The following ARHGEF12 variants were observed in gnomAD, a reference collection of about 807,000 sequenced individuals.
ARHGEF12 encodes the protein KMT2A/ARHGEF12 fusion protein.
In ARHGEF12, 66 loss-of-function variants were observed where a neutral mutation model predicts 211.2. That is an observed-to-expected ratio of 0.31 (90% CI 0.26 to 0.38). ARHGEF12 has a LOEUF of 0.38. ARHGEF12 is among the 10% of genes least tolerant of loss of function. The pLI is 1.00. For synonymous variants in ARHGEF12, 592 were observed against 638.4 expected (o/e 0.93, Z 1.09); for missense variants, 1,429 against 1,869.5 (o/e 0.76, Z 4.34).
intron 39 of ARHGEF12, among the ~76,000 whole-genome samples, chr11:120,483,321 C>T (rs1303001292): frequency 5.5e-5 from 7 of 126,914 alleles, no homozygotes; most frequent in Non-Finnish European, 7.8e-5. Context: ...AGTGCAGTGG[C>T]GCTATTTCGG....
intron 17 of ARHGEF12, 120 bp from the exon 18 acceptor site, chr11:120,446,828 T>A: frequency 1.6e-6 from 2 of 1,261,442 alleles, no homozygotes; most frequent in Non-Finnish European, 2.2e-6. Context: ...GACCCATAAG[T>A]GGAAAAGTGA....
At chr11:120,425,353 T>G (rs79032875) in intron 7 of ARHGEF12, among the ~76,000 whole-genome samples, 2,525 of 149,324 alleles carry the variant, frequency 0.017, 78 homozygotes, top group African/African-American at 0.057. Flanking sequence ...TTTTTTTTTT[T>G]TTGTTTGTTT....
At chr11:120,445,998 G>A (rs920208194) in intron 16 of ARHGEF12, among the ~76,000 whole-genome samples, 7 of 151,908 alleles carry the variant, frequency 4.6e-5, no homozygotes, top group African/African-American at 9.7e-5. Flanking sequence ...TCAGGAGATC[G>A]ACCATCCTGG....
At chr11:120,342,720 A>G (rs980495664) in intron 1 of ARHGEF12, among the ~76,000 whole-genome samples, 2 of 152,232 alleles carry the variant, frequency 1.3e-5, no homozygotes, top group African/African-American at 2.4e-5. Context: ...TACAAACAGC[A>G]TGATTACCAA....
chr11:120,371,548 T>G (rs1355443992), intron 1 of ARHGEF12, among the ~76,000 whole-genome samples: 1 of 152,198 alleles, frequency 6.6e-6, no homozygotes, highest in South Asian at 2.1e-4. Context: ...TTATTTTGAC[T>G]CTTAAAGATT....
At position 120,478,238 on chromosome 11, in the gene ARHGEF12, ACGTGAT is replaced by A; in HGVS notation, c.3617_3622del (p.Arg1206_Asp1207del). ...TGAGTACCTCTGGGAAATCAGAGGTACGTGATCTGTTTGTGGCTGAGAGACAGTTTG... is the reference window on the plus strand; with the variant it reads ...TGAGTACCTCTGGGAAATCAGAGGTACTGTTTGTGGCTGAGAGACAGTTTG... On this transcript the variant is annotated inframe_deletion, in exon 37 of 41. Transcript: ENST00000397843. The A allele has an allele frequency of 6.2e-7, 1 of 1,614,202 alleles. No individual in the cohort carries two copies. The highest frequency in any genetic ancestry group is 8.5e-7 in the Non-Finnish European group (1 of 1,180,038).
At chr11:120,453,733 A>G (rs866957580) in intron 22 of ARHGEF12, among the ~76,000 whole-genome samples, 23 of 152,302 alleles carry the variant, frequency 1.5e-4, no homozygotes, top group Middle Eastern at 3.4e-3. Context: ...AAACAACAAC[A>G]GAGAACCACA....
At chr11:120,474,415 G>A in intron 31 of ARHGEF12, 145 bp from the exon 32 acceptor site, 1 of 560,850 alleles carries the variant, frequency 1.8e-6, no homozygotes. Flanking sequence ...CCATTTTCAA[G>A]AACTGACAAA....
intron 1 of ARHGEF12, among the ~76,000 whole-genome samples, chr11:120,361,363 G>A (rs114845817): frequency 0.011 from 1,677 of 152,256 alleles, 31 homozygotes; most frequent in African/African-American, 0.038. Context: ...TCTAATGCCC[G>A]ATGATCTGAG....
chr11:120,475,741 C>G (rs573162781), intron 33 of ARHGEF12, among the ~76,000 whole-genome samples: 1 of 152,208 alleles, frequency 6.6e-6, no homozygotes, highest in East Asian at 1.9e-4. Flanking sequence ...TATGCTATTA[C>G]TTTGGTTCTT....
chr11:120,367,325 TA>T (rs200151305), intron 1 of ARHGEF12, among the ~76,000 whole-genome samples: 2 of 131,230 alleles, frequency 1.5e-5, no homozygotes, highest in Non-Finnish European at 3.2e-5. Flanking sequence ...CTTTTAATAA[TA>T]AAAAAAATCT....
chr11:120,374,999 G>T (rs746840577), intron 1 of ARHGEF12, among the ~76,000 whole-genome samples: 16 of 152,138 alleles, frequency 1.1e-4, no homozygotes, highest in Non-Finnish European at 2.4e-4. Flanking sequence ...CAAAATGAAC[G>T]AGATTGGTAT....
chr11:120,465,813 T>C (rs1300612616), intron 28 of ARHGEF12, among the ~76,000 whole-genome samples: 1 of 152,162 alleles, frequency 6.6e-6, no homozygotes, highest in East Asian at 1.9e-4. Flanking sequence ...TCCTGGAAGG[T>C]ACAAAAATGA....
intron 32 of ARHGEF12, 80 bp from the exon 33 acceptor site, chr11:120,475,260 C>T (rs2135975837): frequency 1.6e-6 from 2 of 1,276,880 alleles, no homozygotes; most frequent in South Asian, 3.2e-5. Context: ...AATAGAATTC[C>T]TCTGTTGAAT....
chr11:120,441,654 C>A, intron 13 of ARHGEF12, 53 bp from the exon 14 acceptor site: 2 of 1,411,270 alleles, frequency 1.4e-6, no homozygotes, highest in Non-Finnish European at 2.0e-6. Context: ...GCCTACTTTG[C>A]ATTTAGTATT....
chr11:120,483,992 T>G (rs1947331383), intron 39 of ARHGEF12, among the ~76,000 whole-genome samples: 1 of 151,960 alleles, frequency 6.6e-6, no homozygotes, highest in Admixed American at 6.6e-5. Context: ...TGACCTCAGG[T>G]GATCCACCTG....
At chr11:120,483,866 G>C (rs1398045288) in intron 39 of ARHGEF12, among the ~76,000 whole-genome samples, 3 of 151,956 alleles carry the variant, frequency 2.0e-5, no homozygotes, top group African/African-American at 7.3e-5. Flanking sequence ...CGCCTGCCTC[G>C]GCCTCCCAAA....
Position 120,486,128 on chromosome 11 carries a change from A to G in ARHGEF12, c.*1051A>G, listed in dbSNP as rs1236552658. 8.6e-6 allele frequency: 2 copies of G among 233,486 alleles called. No individual in the cohort carries two copies. Among genetic ancestry groups the G allele is most frequent in the African/African-American group, 4.4e-5 (2 of 45,324 alleles). 14.5% of individuals were successfully genotyped at this position (233,486 alleles called of 1,614,324 possible). Reference sequence around the variant, plus strand: ...GTAAAGAGTTTGGGAAGGTTATCTAACTGAATCACTACTGAGTTGAATCAT... The same window carrying G: ...GTAAAGAGTTTGGGAAGGTTATCTAGCTGAATCACTACTGAGTTGAATCAT... On this transcript the variant is annotated 3_prime_UTR_variant, in exon 41 of 41. Coordinates refer to ENST00000397843, the MANE Select transcript of ARHGEF12 (RefSeq NM_015313.3).
chr11:120,429,881 T>C, intron 10 of ARHGEF12, 50 bp downstream of exon 10: 1 of 1,573,766 alleles, frequency 6.4e-7, no homozygotes, highest in Non-Finnish European at 8.6e-7. Flanking sequence ...GAGAATTTTC[T>C]TCTGGGAATG....
Sources: allele counts gnomAD v4.1 joint callset (sites outside exome capture counted in the v4.1 genomes callset), GRCh38; gene constraint gnomAD v4.1.1; transcripts MANE v1.5; gene names NCBI Gene and HGNC (gene_info 2026-07-23, HGNC 2026-07-21).